Variants in ZBTB38 observed in about 807,000 individuals in gnomAD.
The protein encoded by ZBTB38 is zinc finger and BTB domain-containing protein 38.
A neutral mutation model predicts 76.8 loss-of-function variants in ZBTB38; 20 were observed. That is an observed-to-expected ratio of 0.26 (90% CI 0.18 to 0.38). ZBTB38 has a LOEUF of 0.38. ZBTB38 is among the 10% of genes least tolerant of loss of function. ZBTB38 has a pLI of 1.00. For missense variants in ZBTB38, 1,082 were observed against 1,482.3 expected, an observed-to-expected ratio of 0.73 and a Z score of 4.43; for synonymous variants, 504 against 544.2, an observed-to-expected ratio of 0.93 and a Z score of 1.03.
At chr3:141,439,299 A>G (rs1237595533) in intron 5 of ZBTB38, among the ~76,000 whole-genome samples, 1 of 152,230 alleles carries the variant, frequency 6.6e-6, no homozygotes, top group African/African-American at 2.4e-5. Flanking sequence ...TGTGTCAAGA[A>G]GGCAAATCAA....
intron 4 of ZBTB38, among the ~76,000 whole-genome samples, chr3:141,401,229 A>C (rs760555681): frequency 6.6e-6 from 1 of 152,198 alleles, no homozygotes; most frequent in Non-Finnish European, 1.5e-5. Flanking sequence ...AAGATGAATC[A>C]TTACTTAATA....
chr3:141,408,183 A>G (rs1378041967), intron 5 of ZBTB38, among the ~76,000 whole-genome samples: 1 of 152,226 alleles, frequency 6.6e-6, no homozygotes, highest in Admixed American at 6.5e-5. Flanking sequence ...CAATCTCTGC[A>G]TCTTAAAGTC....
At chr3:141,335,247 C>T (rs564138646) in intron 1 of ZBTB38, among the ~76,000 whole-genome samples, 2 of 152,180 alleles carry the variant, frequency 1.3e-5, no homozygotes, top group African/African-American at 2.4e-5. Flanking sequence ...AGATTTGTTG[C>T]GAGCACTAAA....
At chr3:141,366,013 C>T (rs750782999), upstream of ZBTB38, among the ~76,000 whole-genome samples, 3 of 152,192 alleles carry the variant, frequency 2.0e-5, no homozygotes, top group Non-Finnish European at 4.4e-5. Context: ...CAGCATTTAA[C>T]TGCATTTGTT....
At chr3:141,391,617 T>C (rs1948900506) in intron 4 of ZBTB38, among the ~76,000 whole-genome samples, 1 of 152,240 alleles carries the variant, frequency 6.6e-6, no homozygotes, top group Non-Finnish European at 1.5e-5. Context: ...ACAGATTCAG[T>C]GTCAACCCAA....
chr3:141,384,907 G>C (rs1309237604), intron 3 of ZBTB38: 4 of 152,230 alleles, frequency 2.6e-5, no homozygotes, highest in African/African-American at 9.7e-5. Flanking sequence ...ACTCAACTCA[G>C]AGACTTTAAA....
In ZBTB38 at chr3:141,442,379, C is replaced by G. The variant is rs1403270229; in HGVS notation, c.1-10C>G. On this transcript the variant is annotated splice_polypyrimidine_tract_variant and intron_variant, in intron 5 of 5. Transcript: ENST00000321464. The surrounding 1 kb of genome is among the most constrained non-coding windows in gnomAD (Gnocchi z 6.4). ...AAGATTATCTGACCATTTCTCTCCT[C>G]TTGTTTCAGATGACAGTCATGTCCC... The G allele has an allele frequency of 1.3e-6, 2 of 1,596,118 alleles. No individual in the cohort carries two copies. The highest frequency in any genetic ancestry group is 1.3e-5 in the African/African-American group (1 of 74,248).
rs1368740461 is a variant in ZBTB38 at position 141,446,927 on chromosome 3, T to C, written c.*951T>C. 1.3e-5 allele frequency: 2 copies of C among 152,582 alleles called. No homozygotes were observed. The highest frequency in any genetic ancestry group is 2.4e-5 in the African/African-American group (1 of 41,352). The allele number at this position is 152,582 out of a possible 1,614,324, so 9.5% of individuals were successfully genotyped here. A position where few individuals can be genotyped will look rare whatever the true frequency, so the allele number is the denominator to read the frequency against. The stretch of plus-strand genomic sequence containing the variant: ...AGGGTCACATTGTTCTGAAACTCTC[T>C]GCAGTCTTCCAACCACCACAAGGCC... On this transcript the variant is annotated 3_prime_UTR_variant, in exon 6 of 6. Coordinates refer to ENST00000321464, the MANE Select transcript of ZBTB38 (RefSeq NM_001376113.1).
chr3:141,393,717 T>C (rs578144431), intron 4 of ZBTB38, among the ~76,000 whole-genome samples: 5 of 151,966 alleles, frequency 3.3e-5, no homozygotes, highest in Non-Finnish European at 7.4e-5. Flanking sequence ...CAAAAGGAGA[T>C]GCCGCTCTGC....
chr3:141,377,316 G>A (rs1227672165), intron 2 of ZBTB38, among the ~76,000 whole-genome samples: 2 of 152,202 alleles, frequency 1.3e-5, no homozygotes, highest in African/African-American at 2.4e-5. Context: ...AGGAAAACTG[G>A]AGCAATGAGA....
At chr3:141,398,213 T>C (rs1004550557) in intron 4 of ZBTB38, among the ~76,000 whole-genome samples, 1 of 152,244 alleles carries the variant, frequency 6.6e-6, no homozygotes, top group African/African-American at 2.4e-5. Flanking sequence ...ACCTGTAAAC[T>C]GGGGCCCTAT....
At chr3:141,337,323 C>T (rs1267890417) in intron 1 of ZBTB38, among the ~76,000 whole-genome samples, 2 of 152,196 alleles carry the variant, frequency 1.3e-5, no homozygotes, top group Non-Finnish European at 2.9e-5. Flanking sequence ...TATGTAATGA[C>T]TGCACAGCAT....
chr3:141,442,898 C>T lies in ZBTB38; in HGVS notation c.510C>T (p.Ile170=), dbSNP rs1274324854. The T allele has an allele frequency of 6.2e-7, 1 of 1,614,260 alleles. No homozygotes were observed. Reference sequence around the variant, plus strand: ...CAAGGATCACAAATGCATTTTCCATCATCGAAACAGAAAATAGTAATAACA... The same window carrying T: ...CAAGGATCACAAATGCATTTTCCATTATCGAAACAGAAAATAGTAATAACA... The part of the protein sequence containing the change: ...NGPRITNAFS[I]IETENSNNMF... The change falls in exon 6 of 6, where the codon ATC becomes ATT. Residue 170 remains isoleucine, a synonymous_variant. Transcript: ENST00000321464. The surrounding 1 kb of genome is among the most constrained non-coding windows in gnomAD (Gnocchi z 6.4).
intron 5 of ZBTB38, among the ~76,000 whole-genome samples, chr3:141,429,503 G>A (rs773048129): frequency 2.6e-5 from 4 of 152,106 alleles, no homozygotes; most frequent in Non-Finnish European, 5.9e-5. Flanking sequence ...TCACTTACTC[G>A]CCAGACATTT....
rs1446868216 is a variant in ZBTB38 at position 141,446,835 on chromosome 3, C to T, written c.*859C>T. The T allele has an allele frequency of 6.6e-6, 1 of 152,618 alleles. No homozygotes were observed. The highest frequency in any genetic ancestry group is 1.5e-5 in the Non-Finnish European group (1 of 68,046). 9.5% of individuals were successfully genotyped at this position (152,618 alleles called of 1,614,324 possible). On this transcript the variant is annotated 3_prime_UTR_variant, in exon 6 of 6. Transcript: ENST00000321464. ...CCTTATCTATGGGGGAACACCCTCC[C>T]AGAATTTACCTGTGATTACCTGTGC...
chr3:141,378,677 C>T (rs893795027), intron 2 of ZBTB38, among the ~76,000 whole-genome samples: 1 of 152,174 alleles, frequency 6.6e-6, no homozygotes, highest in Non-Finnish European at 1.5e-5. Flanking sequence ...TTTATTTTGC[C>T]GCCTTCTAAC....
At chr3:141,340,779 C>T (rs1943149735) in intron 1 of ZBTB38, among the ~76,000 whole-genome samples, 1 of 151,676 alleles carries the variant, frequency 6.6e-6, no homozygotes, top group African/African-American at 2.4e-5. Context: ...CACCTGTGGT[C>T]CCAGCTACTT....
At chr3:141,414,419 G>A (rs188280543) in intron 5 of ZBTB38, among the ~76,000 whole-genome samples, 1,665 of 152,316 alleles carry the variant, frequency 0.011, 10 homozygotes, top group Non-Finnish European at 0.016. Flanking sequence ...CCAGCCCAGG[G>A]AAAAGTAAAG....
At chr3:141,349,939 A>C (rs1202418937) in intron 1 of ZBTB38, among the ~76,000 whole-genome samples, 1 of 152,194 alleles carries the variant, frequency 6.6e-6, no homozygotes, top group African/African-American at 2.4e-5. Context: ...GGATATTTAA[A>C]ACATTTACAA....
Sources: allele counts gnomAD v4.1 joint callset (sites outside exome capture counted in the v4.1 genomes callset), GRCh38; gene constraint gnomAD v4.1.1; non-coding constraint Gnocchi (gnomAD v3.1); transcripts MANE v1.5; gene names NCBI Gene and HGNC (gene_info 2026-07-23, HGNC 2026-07-21).